ARHGEF9: variants seen among roughly 807,000 people sequenced by gnomAD.
ARHGEF9 encodes the protein Cdc42 guanine nucleotide exchange factor 9.
In ARHGEF9, 2 loss-of-function variants were observed where a neutral mutation model predicts 41.3. The ratio of observed to expected loss-of-function variants is 0.05; its 90% CI spans 0.02 to 0.15. The LOEUF is 0.15. Among genes scored for constraint, ARHGEF9 ranks in the 10% least tolerant of loss-of-function variants. The probability of loss-of-function intolerance (pLI) is 1.00; values close to 1 mark genes in which losing one functional copy is unlikely to be tolerated. For synonymous variants in ARHGEF9, 160 were observed against 154.4 expected, an observed-to-expected ratio of 1.04 and a Z score of -0.27; for missense variants, 225 against 424.7, an observed-to-expected ratio of 0.53 and a Z score of 4.13.
intron 1 of ARHGEF9, among the ~76,000 whole-genome samples, chrX:63,746,407 T>C (rs1287587475): frequency 9.0e-6 from 1 of 111,725 alleles, no homozygotes; most frequent in East Asian, 2.8e-4. Flanking sequence ...TCTATGTCAG[T>C]AAAACCCCTT....
At chrX:63,664,609 G>A (rs1602293777) in intron 7 of ARHGEF9, among the ~76,000 whole-genome samples, 1 of 112,197 alleles carries the variant, frequency 8.9e-6, no homozygotes, top group African/African-American at 3.2e-5. Flanking sequence ...CCTGAGAAGA[G>A]TTGGGGGAGC....
At chrX:63,646,717 T>G (rs1181877926) in intron 8 of ARHGEF9, among the ~76,000 whole-genome samples, 1 of 112,218 alleles carries the variant, frequency 8.9e-6, no homozygotes, top group East Asian at 2.8e-4. Flanking sequence ...ATGCGGGCTC[T>G]TTTTTGGTTC....
At chrX:63,757,881 C>T (rs1602726018) in intron 1 of ARHGEF9, among the ~76,000 whole-genome samples, 1 of 112,456 alleles carries the variant, frequency 8.9e-6, no homozygotes, top group East Asian at 2.8e-4. Flanking sequence ...AAAAAAACTA[C>T]AACAACAATA....
intron 8 of ARHGEF9, among the ~76,000 whole-genome samples, chrX:63,652,146 T>C (rs1187232109): frequency 1.8e-5 from 2 of 111,521 alleles, no homozygotes; most frequent in African/African-American, 6.5e-5. Context: ...AATAAAAGCA[T>C]CAGTAAGTAA....
intron 1 of ARHGEF9, among the ~76,000 whole-genome samples, chrX:63,742,153 C>T (rs2055000586): frequency 8.9e-6 from 1 of 112,068 alleles, no homozygotes; most frequent in Non-Finnish European, 1.9e-5. Context: ...TTAGCCACCC[C>T]TCATTCATCT....
intron 1 of ARHGEF9, among the ~76,000 whole-genome samples, chrX:63,784,853 A>G (rs1415186447): frequency 9.0e-6 from 1 of 111,121 alleles, no homozygotes; most frequent in Non-Finnish European, 1.9e-5. Context: ...TGGGCACATA[A>G]TCTGGCCCCC....
chrX:63,763,934 A>T (rs1389008606), intron 1 of ARHGEF9, among the ~76,000 whole-genome samples: 2 of 111,934 alleles, frequency 1.8e-5, no homozygotes, highest in African/African-American at 6.5e-5. Flanking sequence ...TATAAATAGA[A>T]GACATAATAC....
At position 63,636,088 on chromosome X, in the gene ARHGEF9, A is replaced by G. The variant is rs1163077559; in HGVS notation, c.*1940T>C. The G allele has an allele frequency of 8.9e-6, 1 of 112,263 alleles. No homozygotes were observed. The highest frequency in any genetic ancestry group is 3.2e-5 in the African/African-American group (1 of 30,889). The allele number at this position is 112,263 out of a possible 1,213,427, so 9.3% of individuals were successfully genotyped here. On this transcript the variant is annotated 3_prime_UTR_variant, in exon 10 of 10. Transcript: ENST00000671741. ...AATAGCTTGTAATTTGATTCCCACAAAGAAAAGATTCCCAGGCTGGGCAAT... is the reference window on the plus strand; with the variant it reads ...AATAGCTTGTAATTTGATTCCCACAGAGAAAAGATTCCCAGGCTGGGCAAT...
chrX:63,783,280 T>C (rs1405637772), intron 1 of ARHGEF9, among the ~76,000 whole-genome samples: 1 of 108,458 alleles, frequency 9.2e-6, no homozygotes, highest in Non-Finnish European at 1.9e-5. Context: ...GTAATTTTTT[T>C]TTTTTTTTTT....
At chrX:63,708,526 G>A (rs1556404445) in intron 2 of ARHGEF9, among the ~76,000 whole-genome samples, 1 of 111,923 alleles carries the variant, frequency 8.9e-6, no homozygotes, top group Non-Finnish European at 1.9e-5. Context: ...GAGAAAAGAC[G>A]AAGGCAACTG....
At chrX:63,775,750 T>C (rs1262516928) in intron 1 of ARHGEF9, among the ~76,000 whole-genome samples, 1 of 111,482 alleles carries the variant, frequency 9.0e-6, no homozygotes, top group African/African-American at 3.3e-5. Context: ...GGTGAAGAAA[T>C]AATCTATACA....
chrX:63,739,174 G>T lies in ARHGEF9; in HGVS notation c.31-14463C>A, dbSNP rs147875115. ...CAGCCAACCCCTTAGGCAGGTCAGG[G>T]GTACCCAAAAAACTGTGAGGAGGTG... On this transcript the variant is annotated intron_variant, in intron 1 of 9. Transcript: ENST00000671741. Among the ~76,000 whole-genome samples, 411 of 111,642 alleles carry T rather than the reference G, an allele frequency of 3.7e-3. 3 individuals carry two copies. The highest frequency in any genetic ancestry group is 0.013 in the African/African-American group (402 of 30,725).
intron 2 of ARHGEF9, among the ~76,000 whole-genome samples, chrX:63,711,790 G>A (rs2052948360): frequency 9.0e-6 from 1 of 111,503 alleles, no homozygotes; most frequent in Non-Finnish European, 1.9e-5. Flanking sequence ...AAAATAAAGT[G>A]GACTTCAACA....
intron 5 of ARHGEF9, among the ~76,000 whole-genome samples, chrX:63,674,483 C>T (rs2050137644): frequency 1.8e-5 from 2 of 111,839 alleles, no homozygotes; most frequent in South Asian, 3.8e-4. Context: ...CTGAGAGGAG[C>T]GGCTGGCCGA....
At chrX:63,783,555 T>C (rs1556463614) in intron 1 of ARHGEF9, among the ~76,000 whole-genome samples, 10 of 111,835 alleles carry the variant, frequency 8.9e-5, no homozygotes, top group Non-Finnish European at 1.1e-4. Flanking sequence ...CGCGCCCGGC[T>C]TTCAGGTAAA....
chrX:63,694,347 T>C (rs1234411519), intron 4 of ARHGEF9, among the ~76,000 whole-genome samples: 2 of 112,060 alleles, frequency 1.8e-5, no homozygotes, highest in African/African-American at 6.5e-5. Context: ...CTAGCAACCC[T>C]AACCCTGGAA....
chrX:63,740,268 G>A (rs1394731518), intron 1 of ARHGEF9, among the ~76,000 whole-genome samples: 2 of 111,894 alleles, frequency 1.8e-5, no homozygotes, highest in Admixed American at 1.9e-4. Flanking sequence ...ATATGTGGGG[G>A]TAATCTCAGC....
chrX:63,666,183 C>T (rs1271076011), intron 6 of ARHGEF9, among the ~76,000 whole-genome samples, 166 bp from the exon 7 acceptor site: 1 of 108,743 alleles, frequency 9.2e-6, no homozygotes, highest in African/African-American at 3.4e-5. Flanking sequence ...AAAAGCTTTA[C>T]AGCTCTGTGA....
At chrX:63,648,240 A>G (rs1343804648) in intron 8 of ARHGEF9, among the ~76,000 whole-genome samples, 1 of 111,852 alleles carries the variant, frequency 8.9e-6, no homozygotes, top group Non-Finnish European at 1.9e-5. Flanking sequence ...CATCAGACTA[A>G]CAGCGGATCT....
Sources: allele counts gnomAD v4.1 joint callset (sites outside exome capture counted in the v4.1 genomes callset), GRCh38; gene constraint gnomAD v4.1.1; transcripts MANE v1.5; gene names NCBI Gene and HGNC (gene_info 2026-07-23, HGNC 2026-07-21).